PCDHA3: variants seen among roughly 807,000 people sequenced by gnomAD.
The protein encoded by PCDHA3 is protocadherin alpha-3.
PCDHA3 carries 41 observed loss-of-function variants against 62.2 expected under a neutral mutation model. The observed-to-expected ratio is 0.66, with a 90% CI of 0.51 to 0.86. The LOEUF (loss-of-function observed/expected upper bound fraction) is 0.86, where lower values mean the gene tolerates loss of function less well. Among genes scored for constraint, PCDHA3 ranks in the 40% least tolerant of loss-of-function variants. The pLI, the probability that PCDHA3 is intolerant of heterozygous loss-of-function variation, is 0.00. For missense variants in PCDHA3, 1,304 were observed against 1,241.2 expected (o/e 1.05, Z -0.76); for synonymous variants, 640 against 555.4 (o/e 1.15, Z -2.14).
intron 1 of PCDHA3, among the ~76,000 whole-genome samples, chr5:140,892,460 C>T (rs1428598912): frequency 1.3e-5 from 2 of 152,102 alleles, no homozygotes; most frequent in African/African-American, 2.4e-5. Context: ...TCTTTAAGTA[C>T]GGTTATTCAG....
chr5:140,967,749 C>G (rs1554229896), intron 1 of PCDHA3: 1 of 1,614,172 alleles, frequency 6.2e-7, no homozygotes, highest in Non-Finnish European at 8.5e-7. Context: ...TATGAGGAAG[C>G]CTCCTCCTAC....
chr5:140,856,901 C>A, intron 1 of PCDHA3: 1 of 1,595,974 alleles, frequency 6.3e-7, no homozygotes, highest in Non-Finnish European at 8.6e-7. Flanking sequence ...CTCTTTGGTC[C>A]CACCCACGAT....
chr5:140,985,845 C>T (rs1381097554), intron 3 of PCDHA3, among the ~76,000 whole-genome samples: 1 of 150,700 alleles, frequency 6.6e-6, no homozygotes, highest in African/African-American at 2.4e-5. Flanking sequence ...GTTCATGCCA[C>T]TCTCCTGCCT....
intron 1 of PCDHA3, chr5:140,850,295 C>G (rs2150478300): frequency 5.6e-6 from 9 of 1,596,420 alleles, no homozygotes; most frequent in Non-Finnish European, 7.7e-6. Flanking sequence ...TGGACGCCGA[C>G]TCGGGCTACA....
chr5:140,924,978 T>A (rs2082232142), intron 1 of PCDHA3, among the ~76,000 whole-genome samples: 1 of 151,330 alleles, frequency 6.6e-6, no homozygotes, highest in Non-Finnish European at 1.5e-5. Flanking sequence ...CAGTGGCTCA[T>A]GTCTGTAATC....
intron 1 of PCDHA3, chr5:140,849,159 C>T (rs1554142780): frequency 2.5e-6 from 3 of 1,184,538 alleles, no homozygotes; most frequent in Non-Finnish European, 3.5e-6. Context: ...CAAACCCGAG[C>T]TGACTGGCAC....
chr5:140,801,497 G>A lies in PCDHA3; in HGVS notation c.300G>A (p.Ala100=), dbSNP rs1202740642. ...IDREELCGRS[A]ECSIHLEVIV... ...GCGAGGAACTGTGCGGGCGGAGCGC[G>A]GAGTGCAGCATCCACCTGGAGGTGA... Residue 100 remains alanine, a synonymous_variant, in exon 1 of 4, where the codon GCG becomes GCA. Coordinates refer to ENST00000522353, the MANE Select transcript of PCDHA3 (RefSeq NM_018906.3). 6.2e-7 allele frequency: 1 copy of A among 1,614,054 alleles called. No individual in the cohort carries two copies. The highest frequency in any genetic ancestry group is 8.5e-7 in the Non-Finnish European group (1 of 1,180,050).
At chr5:140,993,032 G>A (rs1356944264) in intron 3 of PCDHA3, among the ~76,000 whole-genome samples, 2 of 152,286 alleles carry the variant, frequency 1.3e-5, no homozygotes, top group South Asian at 2.1e-4. Flanking sequence ...TGTGGGCTCC[G>A]TGTGTCATCA....
At chr5:140,819,602 A>C (rs2150104699) in intron 1 of PCDHA3, among the ~76,000 whole-genome samples, 21 of 152,236 alleles carry the variant, frequency 1.4e-4, no homozygotes, top group African/African-American at 5.1e-4. Context: ...TTTCCTGTGG[A>C]GTCTCCCATG....
At chr5:140,818,348 A>T (rs1554127450) in intron 1 of PCDHA3, among the ~76,000 whole-genome samples, 1 of 152,212 alleles carries the variant, frequency 6.6e-6, no homozygotes, top group Admixed American at 6.5e-5. Context: ...CCACTGTCAA[A>T]GTCATTGATT....
chr5:140,807,594 C>T (rs141030691), intron 1 of PCDHA3: 2 of 1,614,174 alleles, frequency 1.2e-6, no homozygotes, highest in Non-Finnish European at 8.5e-7. Flanking sequence ...TTCCCAGCAA[C>T]ACAAAAGAAC....
In PCDHA3 at chr5:140,982,576, G is replaced by C. The variant is rs782355791; in HGVS notation, c.2542+13G>C. ...AGTGCAACACCAGGTAAAGAGCTGG[G>C]GTCTCTCCATTCTTTCTTGGTTTCT... On this transcript the variant is annotated intron_variant, in intron 3 of 3. Transcript: ENST00000522353. 3.1e-6 allele frequency: 5 copies of C among 1,613,270 alleles called. 1 individual carries two copies. In the South Asian group the frequency reaches 5.5e-5, roughly 18 times the overall value.
At chr5:140,834,566 G>C in intron 1 of PCDHA3, 1 of 1,614,096 alleles carries the variant, frequency 6.2e-7, no homozygotes, top group Non-Finnish European at 8.5e-7. Flanking sequence ...AGCTGGTGCC[G>C]CGCCTGTTCC....
At chr5:140,979,548 C>A (rs2153819465) in intron 2 of PCDHA3, among the ~76,000 whole-genome samples, 1 of 152,286 alleles carries the variant, frequency 6.6e-6, no homozygotes, top group African/African-American at 2.4e-5. Context: ...TGACATGGTT[C>A]TTCAGAAGAT....
At chr5:140,895,525 T>G (rs1172545825) in intron 1 of PCDHA3, among the ~76,000 whole-genome samples, 1 of 152,196 alleles carries the variant, frequency 6.6e-6, no homozygotes, top group Non-Finnish European at 1.5e-5. Context: ...GGTTTATTCG[T>G]TTTTCAATTG....
At chr5:140,819,710 A>G (rs1377214086) in intron 1 of PCDHA3, among the ~76,000 whole-genome samples, 1 of 152,128 alleles carries the variant, frequency 6.6e-6, no homozygotes, top group Non-Finnish European at 1.5e-5. Context: ...TAAAAAGTAA[A>G]TATAATTTAA....
At chr5:140,929,410 C>G (rs2086136493) in intron 1 of PCDHA3, 1 of 1,505,808 alleles carries the variant, frequency 6.6e-7, no homozygotes, top group Non-Finnish European at 8.9e-7. Context: ...ACAAGCCTTT[C>G]ACAACATTTC....
chr5:140,912,101 A>G (rs781989328), intron 1 of PCDHA3, among the ~76,000 whole-genome samples: 2 of 152,194 alleles, frequency 1.3e-5, no homozygotes, highest in Non-Finnish European at 2.9e-5. Context: ...CAGGAGAAAG[A>G]TGTAGGCTGG....
chr5:140,891,712 C>T (rs2063219356), intron 1 of PCDHA3, among the ~76,000 whole-genome samples: 1 of 152,148 alleles, frequency 6.6e-6, no homozygotes, highest in Non-Finnish European at 1.5e-5. Context: ...TTTGTACCCC[C>T]AAATTCATGT....
Sources: gnomAD v4.1 joint callset for allele counts (sites outside exome capture counted in the v4.1 genomes callset) on GRCh38, gnomAD v4.1.1 for gene constraint, MANE v1.5 for transcripts, NCBI Gene and HGNC (gene_info 2026-07-23, HGNC 2026-07-21) for gene names.